Variants in TPM4 observed in about 807,000 individuals in gnomAD.
The protein encoded by TPM4 is tropomyosin alpha-4 chain.
TPM4 carries 17 observed loss-of-function variants against 35.8 expected under a neutral mutation model. That is an observed-to-expected ratio of 0.47 (90% confidence interval 0.32 to 0.71). The LOEUF (loss-of-function observed/expected upper bound fraction) is 0.71. Ranked by LOEUF, TPM4 falls within the 30% of genes least tolerant of loss-of-function variation. The pLI, the probability that TPM4 is intolerant of heterozygous loss-of-function variation, is 0.03. For missense variants in TPM4, 240 were observed against 320.9 expected, an observed-to-expected ratio of 0.75 and a Z score of 1.93; for synonymous variants, 120 against 122.9, an observed-to-expected ratio of 0.98 and a Z score of 0.15.
chr19:16,083,492 G>A (rs2090509299), intron 2 of TPM4, among the ~76,000 whole-genome samples: 1 of 152,146 alleles, frequency 6.6e-6, no homozygotes, highest in Admixed American at 6.6e-5. Flanking sequence ...TATCTGTGCT[G>A]CAACCCAGCC....
At chr19:16,092,470 ATCC>A (rs2144952850) in intron 5 of TPM4, among the ~76,000 whole-genome samples, 1 of 151,238 alleles carries the variant, frequency 6.6e-6, no homozygotes, top group South Asian at 2.1e-4. Context: ...TCTCCCCAAC[ATCC>A]TCCACATTTC....
chr19:16,067,845 G>A lies in TPM4; in HGVS notation c.114+107G>A. The stretch of plus-strand genomic sequence containing the variant: ...GGTCGCAGACACCTGCGGGAGGATA[G>A]GAGGCTGATGCTTTGGCGGAGGAAG... On this transcript the variant is annotated intron_variant, in intron 2 of 2. Coordinates refer to the TPM4 transcript ENST00000589897. This position sits in a 1 kb window ranked among gnomAD's most constrained non-coding sequence, Gnocchi z 4.1. 3.0e-6 allele frequency: 3 copies of A among 1,004,230 alleles called. No homozygotes were observed. The highest frequency in any genetic ancestry group is 4.3e-6 in the Non-Finnish European group (3 of 693,742). 62.2% of individuals were successfully genotyped at this position (1,004,230 alleles called of 1,614,324 possible). A position where few individuals can be genotyped will look rare whatever the true frequency, so the allele number is the denominator to read the frequency against.
rs4808450 is a variant in TPM4, at chr19:16,068,938, C to A, written c.114+1200C>A. On this transcript the variant is annotated intron_variant, in intron 2 of 2. Transcript: ENST00000589897. ...AGAGCTGTGTGTGGGACGCTGCGTG[C>A]GGCTGTTGGAAAGTAGGTGTGAAAG... Among the ~76,000 whole-genome samples the A allele has an allele frequency of 7.9e-5, 12 of 152,032 alleles. No homozygotes were observed. The East Asian group carries it at 2.3e-3, about 29-fold the overall frequency.
chr19:16,071,604 A>G (rs1054509027), upstream of TPM4, among the ~76,000 whole-genome samples: 3 of 152,226 alleles, frequency 2.0e-5, no homozygotes, highest in East Asian at 1.9e-4. Flanking sequence ...GTGGAACTCA[A>G]GATCCCAGAA....
chr19:16,080,964 G>A (rs2090475371), intron 1 of TPM4: 1 of 398,504 alleles, frequency 2.5e-6, no homozygotes, highest in South Asian at 1.3e-4. Flanking sequence ...TGTCTTCCAT[G>A]CCTGCAACCA....
At chr19:16,094,531 G>A (rs1353720812) in intron 7 of TPM4, among the ~76,000 whole-genome samples, 3 of 149,166 alleles carry the variant, frequency 2.0e-5, no homozygotes, top group East Asian at 2.0e-4. Context: ...GCCAGACTCC[G>A]TCTCAAAAAA....
At chr19:16,072,823 C>T (rs2090367232), upstream of TPM4, among the ~76,000 whole-genome samples, 1 of 152,180 alleles carries the variant, frequency 6.6e-6, no homozygotes, top group South Asian at 2.1e-4. Context: ...AGGAGAAGCA[C>T]TTGAGCCAGG....
rs141473155 is a variant in TPM4 at position 16,077,910 on chromosome 19, C to G, written c.132+1213C>G. ...CCGAGTAGCTGGGATTACAGGTGCC[C>G]GCCACCACGCCCAGCTAATTTTTTT... On this transcript the variant is annotated intron_variant, in intron 1 of 7. Coordinates refer to ENST00000643579, the MANE Select transcript of TPM4 (RefSeq NM_003290.3). The G allele has an allele frequency of 3.4e-3, 1,089 of 324,980 alleles. 12 individuals carry two copies. Among genetic ancestry groups the G allele is most frequent in the African/African-American group, 0.02 (955 of 46,904 alleles). The allele number at this position is 324,980 out of a possible 1,614,324, so 20.1% of individuals were successfully genotyped here.
Position 16,093,548 on chromosome 19 carries a change from GA to G in TPM4, c.545del (p.Glu182GlyfsTer15). The G allele has an allele frequency of 6.2e-7, 1 of 1,614,160 alleles. No individual in the cohort carries two copies. Among genetic ancestry groups the G allele is most frequent in the Non-Finnish European group, 8.5e-7 (1 of 1,180,028 alleles). Reference sequence around the variant, plus strand: ...GTTTCTCCCACAGTATTCTGAAAAGGAGGACAAATATGAAGAAGAAATTAAA... The same window carrying G: ...GTTTCTCCCACAGTATTCTGAAAAGGGGACAAATATGAAGAAGAAATTAAA... ...EAASEKYSEK[E>X]DKYEEEIKLL... On this transcript the variant is annotated frameshift_variant, in exon 6 of 8. Transcript: ENST00000643579. LOFTEE classifies it high-confidence loss of function.
upstream of TPM4, among the ~76,000 whole-genome samples, chr19:16,072,170 GT>G (rs2090362251): frequency 6.6e-6 from 1 of 152,212 alleles, no homozygotes; most frequent in African/African-American, 2.4e-5. Context: ...TTGGGGTTGT[GT>G]CTTCGATTCA....
intron 5 of TPM4, among the ~76,000 whole-genome samples, chr19:16,090,511 C>CTTTGTGCTGGGATTACTTTGGGAGG (rs2090613260): frequency 3.3e-5 from 5 of 151,906 alleles, no homozygotes; most frequent in African/African-American, 1.2e-4. Flanking sequence ...ACCTTGGCCT[C>CTTTGTGCTGGGATTACTTTGGGAGG]CCAAAGTGCT....
At chr19:16,075,682 G>A (rs917039904), upstream of TPM4, 1 of 195,880 alleles carries the variant, frequency 5.1e-6, no homozygotes, top group South Asian at 7.9e-5. Context: ...CACGCGCAGA[G>A]AATGAGATTG....
In TPM4 at chr19:16,070,097, T is replaced by C. The variant is rs1476082856; in HGVS notation, c.114+2359T>C. On this transcript the variant is annotated intron_variant, in intron 2 of 2. Coordinates refer to the TPM4 transcript ENST00000589897. This position sits in a 1 kb window ranked among gnomAD's most constrained non-coding sequence, Gnocchi z 7.4. ...GTAGAGTTGAGAGTGAGTCTGAGAA[T>C]CTCATTGTGTATGTGGGGGTGTCCC... is the stretch of plus-strand genomic sequence containing the variant. Among the ~76,000 whole-genome samples the C allele has an allele frequency of 6.6e-6, 1 of 151,922 alleles. No individual in the cohort carries two copies.
Position 16,076,613 on chromosome 19 carries a change from C to T in TPM4, c.48C>T (p.Ala16=). ...AGGCGGTGAAACGCAAGATCCAGGCCCTGCAGCAGCAGGCGGACGAGGCGG... is the reference window on the plus strand; with the variant it reads ...AGGCGGTGAAACGCAAGATCCAGGCTCTGCAGCAGCAGGCGGACGAGGCGG... ...SLEAVKRKIQ[A]LQQQADEAED... is the part of the protein sequence containing the mutation. The change falls in exon 1 of 8, where the codon GCC becomes GCT. Residue 16 remains alanine (A), a synonymous_variant. Coordinates refer to ENST00000643579, the MANE Select transcript of TPM4 (RefSeq NM_003290.3). 1 of 1,464,358 alleles carries T rather than the reference C, an allele frequency of 6.8e-7. No individual in the cohort carries two copies. Among genetic ancestry groups the T allele is most frequent in the Non-Finnish European group, 9.0e-7 (1 of 1,114,434 alleles). The allele number at this position is 1,464,358 out of a possible 1,614,324, so 90.7% of individuals were successfully genotyped here.
rs1894949532 is a variant in TPM4, at chr19:16,067,920, G to A, written c.114+182G>A. 1.8e-6 allele frequency: 1 copy of A among 568,552 alleles called. No individual in the cohort carries two copies. The highest frequency in any genetic ancestry group is 3.0e-6 in the Non-Finnish European group (1 of 333,290). 35.2% of individuals were successfully genotyped at this position (568,552 alleles called of 1,614,324 possible). A position where few individuals can be genotyped will look rare whatever the true frequency, so the allele number is the denominator to read the frequency against. ...GGATGGGGTCCTGGGCTGGAAGAGG[G>A]GTGACGATCGGACCCACCCCCAGCA... is the stretch of plus-strand genomic sequence containing the variant. On this transcript the variant is annotated intron_variant, in intron 2 of 2. Coordinates refer to the TPM4 transcript ENST00000589897. The surrounding 1 kb of genome is among the most constrained non-coding windows in gnomAD (Gnocchi z 4.1).
intron 5 of TPM4, 130 bp downstream of exon 5, chr19:16,089,250 C>A: frequency 1.6e-6 from 2 of 1,223,438 alleles, no homozygotes; most frequent in Non-Finnish European, 2.3e-6. Context: ...TGCCTGGCAG[C>A]CAGGGTTTTT....
chr19:16,096,347 T>G (rs2090696396), intron 7 of TPM4, among the ~76,000 whole-genome samples: 1 of 152,204 alleles, frequency 6.6e-6, no homozygotes. Context: ...ATTACAGGCA[T>G]GAGCCACCGC....
intron 5 of TPM4, among the ~76,000 whole-genome samples, chr19:16,091,762 A>G (rs532256581): frequency 1.3e-5 from 2 of 152,260 alleles, no homozygotes; most frequent in Admixed American, 6.5e-5. Flanking sequence ...GGCTTCAGTC[A>G]TGACTTGATC....
At chr19:16,096,968 T>TTTTTTTC (rs2090707583) in intron 7 of TPM4, among the ~76,000 whole-genome samples, 3 of 101,222 alleles carry the variant, frequency 3.0e-5, no homozygotes, top group Non-Finnish European at 5.9e-5. Flanking sequence ...TTTTTTTTTT[T>TTTTTTTC]TTCAAGACAG....
Sources: allele counts gnomAD v4.1 joint callset (sites outside exome capture counted in the v4.1 genomes callset), GRCh38; gene constraint gnomAD v4.1.1; non-coding constraint Gnocchi (gnomAD v3.1); transcripts MANE v1.5; gene names NCBI Gene and HGNC (gene_info 2026-07-23, HGNC 2026-07-21).